The following OSBPL3 variants were observed in gnomAD, a reference collection of about 807,000 sequenced individuals.
OSBPL3 encodes the protein oxysterol binding protein like 3.
In OSBPL3, 65 loss-of-function variants were observed where a neutral mutation model predicts 120.1. The ratio of observed to expected loss-of-function variants is 0.54; its 90% CI spans 0.44 to 0.67. The LOEUF is 0.67. Among genes scored for constraint, OSBPL3 ranks in the 30% least tolerant of loss-of-function variants. OSBPL3 has a pLI of 0.00. For synonymous variants in OSBPL3, 416 were observed against 402.6 expected (o/e 1.03, Z -0.40); for missense variants, 1,004 against 1,082.1 (o/e 0.93, Z 1.01).
intron 1 of OSBPL3, among the ~76,000 whole-genome samples, chr7:24,897,320 CTTTT>C (rs35715609): frequency 2.0e-5 from 2 of 102,254 alleles, no homozygotes; most frequent in African/African-American, 8.7e-5. Context: ...ATGGCAGAAT[CTTTT>C]TTTTTTTTTT....
At chr7:24,970,018 C>G (rs1246790863) in intron 1 of OSBPL3, among the ~76,000 whole-genome samples, 3 of 152,016 alleles carry the variant, frequency 2.0e-5, no homozygotes, top group Non-Finnish European at 4.4e-5. Context: ...AGTCCACCAA[C>G]TCTTAAAATG....
At chr7:24,839,989 CACAAAAAAAAAAAAA>C (rs1430103739) in intron 14 of OSBPL3, among the ~76,000 whole-genome samples, 1 of 65,310 alleles carries the variant, frequency 1.5e-5, no homozygotes, top group African/African-American at 5.4e-5. Context: ...GACTCCATCT[CACAAAAAAAAAAAAA>C]AAAAAAAAAA....
Position 24,830,842 on chromosome 7 carries a change from GCT to G in OSBPL3, c.1808_1809del (p.Lys603ThrfsTer3). On this transcript the variant is annotated frameshift_variant, in exon 16 of 23. Coordinates refer to ENST00000313367, the MANE Select transcript of OSBPL3 (RefSeq NM_015550.4). LOFTEE classifies it high-confidence loss of function. This position sits in a 1 kb window ranked among gnomAD's most constrained non-coding sequence, Gnocchi z 4.4. Reference protein sequence around the residue: ...YASSYYRAGSKPFNPVLGETY... With the variant: ...YASSYYRAGSXPFNPVLGETY... The stretch of plus-strand genomic sequence containing the variant: ...GTTTCTCCAAGAACCGGATTAAATG[GCT>G]TGCTTCCAGCTCGGTAGTAGCTAGA... The G allele has an allele frequency of 6.2e-7, 1 of 1,613,996 alleles. No homozygotes were observed. The highest frequency in any genetic ancestry group is 8.5e-7 in the Non-Finnish European group (1 of 1,179,956).
At chr7:24,901,902 A>G (rs559889055) in intron 1 of OSBPL3, among the ~76,000 whole-genome samples, 1 of 152,378 alleles carries the variant, frequency 6.6e-6, no homozygotes, top group Non-Finnish European at 1.5e-5. Context: ...CATGACCTAC[A>G]ATGAGATAAT....
At chr7:24,839,994 A>C (rs1161612339) in intron 14 of OSBPL3, among the ~76,000 whole-genome samples, 1 of 27,628 alleles carries the variant, frequency 3.6e-5, no homozygotes, top group Non-Finnish European at 7.2e-5. Context: ...CATCTCACAA[A>C]AAAAAAAAAA....
chr7:24,955,016 T>C lies in OSBPL3; in HGVS notation c.-150+24870A>G, dbSNP rs1291058989. Among the ~76,000 whole-genome samples, 1 of 152,188 alleles carries C rather than the reference T, an allele frequency of 6.6e-6. No individual in the cohort carries two copies. Among genetic ancestry groups the C allele is most frequent in the Non-Finnish European group, 1.5e-5 (1 of 68,032 alleles). On this transcript the variant is annotated intron_variant, in intron 1 of 22. Coordinates refer to ENST00000313367, the MANE Select transcript of OSBPL3 (RefSeq NM_015550.4). This position sits in a 1 kb window ranked among gnomAD's most constrained non-coding sequence, Gnocchi z 4.3. ...TAATCACAGCCTCAAAGATCCATAA[T>C]GTGCCTTGGTTACCTCTTGATTCTC... is the stretch of plus-strand genomic sequence containing the variant.
At chr7:24,928,403 G>A (rs1229134665) in intron 1 of OSBPL3, among the ~76,000 whole-genome samples, 2 of 152,014 alleles carry the variant, frequency 1.3e-5, no homozygotes, top group Admixed American at 6.6e-5. Context: ...GTGTTAGCCA[G>A]GATGGTCTCG....
chr7:24,928,464 T>C (rs1584649548), intron 1 of OSBPL3, among the ~76,000 whole-genome samples: 1 of 152,182 alleles, frequency 6.6e-6, no homozygotes, highest in South Asian at 2.1e-4. Flanking sequence ...GTGCTAGGAT[T>C]ACAGGCATCA....
chr7:24,840,017 A>G (rs1797528385), intron 14 of OSBPL3, among the ~76,000 whole-genome samples: 1 of 148,778 alleles, frequency 6.7e-6, no homozygotes, highest in South Asian at 2.1e-4. Context: ...AAAAAAAAAA[A>G]AAAAGATATG....
Position 24,871,643 on chromosome 7 carries a change from G to T in OSBPL3, c.267+99C>A. On this transcript the variant is annotated intron_variant, in intron 4 of 22. Coordinates refer to ENST00000313367, the MANE Select transcript of OSBPL3 (RefSeq NM_015550.4). This position sits in a 1 kb window ranked among gnomAD's most constrained non-coding sequence, Gnocchi z 4.8. ...TTTCCCCTCTATGGTTTCCAGTTCC[G>T]AGAAAAGCTATCCTCAACTATACAC... The T allele has an allele frequency of 1.1e-6, 1 of 905,260 alleles. No individual in the cohort carries two copies. The highest frequency in any genetic ancestry group is 1.8e-6 in the Non-Finnish European group (1 of 568,300). 56.1% of individuals were successfully genotyped at this position (905,260 alleles called of 1,614,324 possible).
rs1274068496 is a variant in OSBPL3 at position 24,852,592 on chromosome 7, T to A, written c.1070A>T (p.Glu357Val). The A allele has an allele frequency of 1.9e-6, 3 of 1,608,296 alleles. No individual in the cohort carries two copies. The South Asian group carries it at 3.3e-5, about 18-fold the overall frequency. Reference sequence around the variant, plus strand: ...CATCAGCTGCTTCAGTTTCTCTCTCTCCGCTGACATGATATTAAAAGCTGA... The same window carrying A: ...CATCAGCTGCTTCAGTTTCTCTCTCACCGCTGACATGATATTAAAAGCTGA... Reference protein sequence around the residue: ...LRSAFNIMSAEREKLKQLMEQ... With the variant: ...LRSAFNIMSAVREKLKQLMEQ... Residue 357 changes from glutamate (E) to valine (V), a missense_variant, in exon 11 of 23, where the codon GAG becomes GTG. By Grantham distance (121) the Glu-to-Val change is moderately radical. Around this residue, in one of 4 missense-constraint regions of OSBPL3, gnomAD observed 272 missense variants for 248.8 expected, o/e 1.09. Transcript: ENST00000313367. This position sits in a 1 kb window ranked among gnomAD's most constrained non-coding sequence, Gnocchi z 4.1.
chr7:24,798,624 T>C lies in OSBPL3; in HGVS notation c.*1559A>G, dbSNP rs946802757. On this transcript the variant is annotated 3_prime_UTR_variant, in exon 23 of 23. Coordinates refer to ENST00000313367, the MANE Select transcript of OSBPL3 (RefSeq NM_015550.4). This position sits in a 1 kb window ranked among gnomAD's most constrained non-coding sequence, Gnocchi z 4.6. ...AGGCTACACATCCACTTTAAATAAC[T>C]CTCCATTTTGAAAATGCAATATTGT... is the stretch of plus-strand genomic sequence containing the variant. 2 of 152,238 alleles carry C rather than the reference T, an allele frequency of 1.3e-5. No homozygotes were observed. The highest frequency in any genetic ancestry group is 4.8e-5 in the African/African-American group (2 of 41,460). 9.4% of individuals were successfully genotyped at this position (152,238 alleles called of 1,614,324 possible).
intron 2 of OSBPL3, among the ~76,000 whole-genome samples, chr7:24,884,660 C>A (rs1403454637): frequency 6.6e-6 from 1 of 152,198 alleles, no homozygotes; most frequent in African/African-American, 2.4e-5. Context: ...CAAACACTTA[C>A]ATAGCACTTC....
intron 1 of OSBPL3, among the ~76,000 whole-genome samples, chr7:24,903,398 C>T (rs1275201214): frequency 6.6e-6 from 1 of 152,236 alleles, no homozygotes; most frequent in Admixed American, 6.5e-5. Flanking sequence ...TACTACTAGC[C>T]TTTTGAAGTT....
intron 2 of OSBPL3, among the ~76,000 whole-genome samples, chr7:24,875,488 T>C (rs1351076557): frequency 6.6e-6 from 1 of 152,214 alleles, no homozygotes; most frequent in Admixed American, 6.5e-5. Context: ...TGAATTTTCC[T>C]TTATATTACA....
In OSBPL3 at chr7:24,871,732, A is replaced by G; in HGVS notation, c.267+10T>C. 6.2e-7 allele frequency: 1 copy of G among 1,608,902 alleles called. No homozygotes were observed. Among genetic ancestry groups the G allele is most frequent in the South Asian group, 1.1e-5 (1 of 90,892 alleles). ...CTTCAATACCACAGTGGGCCCACAA[A>G]AAGACTTACATCGGTTTGGCTCTTG... On this transcript the variant is annotated intron_variant, in intron 4 of 22. Coordinates refer to ENST00000313367, the MANE Select transcript of OSBPL3 (RefSeq NM_015550.4). This position sits in a 1 kb window ranked among gnomAD's most constrained non-coding sequence, Gnocchi z 4.8.
chr7:24,925,876 C>G lies in OSBPL3; in HGVS notation c.-149-33255G>C, dbSNP rs528746562. Reference sequence around the variant, plus strand: ...GATTTGTGATGTGGAAAAGGTTGAACAGAATAGCAGTTTTAGTTTCCACGG... The same window carrying G: ...GATTTGTGATGTGGAAAAGGTTGAAGAGAATAGCAGTTTTAGTTTCCACGG... On this transcript the variant is annotated intron_variant, in intron 1 of 22. Coordinates refer to ENST00000313367, the MANE Select transcript of OSBPL3 (RefSeq NM_015550.4). Among the ~76,000 whole-genome samples the G allele has an allele frequency of 2.0e-4, 31 of 152,278 alleles. No homozygotes were observed. The East Asian group carries it at 4.4e-3, about 22-fold the overall frequency.
At chr7:24,847,524 A>G (rs992027311) in intron 12 of OSBPL3, among the ~76,000 whole-genome samples, 5 of 152,250 alleles carry the variant, frequency 3.3e-5, no homozygotes, top group African/African-American at 1.2e-4. Flanking sequence ...TCAGTTTAAA[A>G]TATGCATTTT....
intron 19 of OSBPL3, 77 bp downstream of exon 19, chr7:24,814,982 C>T: frequency 7.0e-7 from 1 of 1,438,654 alleles, no homozygotes; most frequent in Non-Finnish European, 9.7e-7. Context: ...AAAAATCTCT[C>T]AAATGCCCTG....
Sources: gnomAD v4.1 joint callset for allele counts (sites outside exome capture counted in the v4.1 genomes callset) on GRCh38, gnomAD v4.1.1 for gene constraint, gnomAD v4.1.1 regional missense constraint, Gnocchi (gnomAD v3.1) non-coding constraint, MANE v1.5 for transcripts, NCBI Gene and HGNC (gene_info 2026-07-23, HGNC 2026-07-21) for gene names.